The following GGA1 variants were observed in gnomAD, a reference collection of about 807,000 sequenced individuals.
GGA1 encodes the protein golgi associated, gamma adaptin ear containing, ARF binding protein 1.
In GGA1, 18 loss-of-function variants were observed where a neutral mutation model predicts 76.9. That is an observed-to-expected ratio of 0.23 (90% CI 0.16 to 0.35). The LOEUF (loss-of-function observed/expected upper bound fraction) is 0.35, where lower values mean the gene tolerates loss of function less well. Ranked by LOEUF, GGA1 falls within the 10% of genes least tolerant of loss-of-function variation. GGA1 has a pLI of 1.00. For missense variants in GGA1, 755 were observed against 859.0 expected (o/e 0.88, Z 1.51); for synonymous variants, 342 against 354.7 (o/e 0.96, Z 0.40).
At chr22:37,619,138 G>A (rs1052093494) in intron 4 of GGA1, among the ~76,000 whole-genome samples, 6 of 150,898 alleles carry the variant, frequency 4.0e-5, no homozygotes, top group African/African-American at 9.7e-5. Context: ...TGATCTCTAC[G>A]CTCCACAACC....
chr22:37,629,410 G>A, intron 11 of GGA1, 52 bp from the exon 12 acceptor site: 1 of 1,309,426 alleles, frequency 7.6e-7, no homozygotes, highest in Admixed American at 1.9e-5. Flanking sequence ...CGGCTCTCTG[G>A]CCTCTGCAGG....
chr22:37,626,081 GC>G, intron 11 of GGA1, 132 bp downstream of exon 11: 1 of 612,836 alleles, frequency 1.6e-6, no homozygotes, highest in Non-Finnish European at 2.6e-6. Context: ...TGAGCATTAG[GC>G]CCACTTCACA....
At chr22:37,626,250 A>C (rs1357365315) in intron 11 of GGA1, 1 of 276,602 alleles carries the variant, frequency 3.6e-6, no homozygotes, top group Non-Finnish European at 6.8e-6. Flanking sequence ...GCAACAGGTT[A>C]GAGCCTGGAA....
intron 2 of GGA1, among the ~76,000 whole-genome samples, chr22:37,616,334 G>A (rs913491414): frequency 6.6e-5 from 10 of 152,286 alleles, no homozygotes; most frequent in South Asian, 6.2e-4. Flanking sequence ...ACGGTGAGGC[G>A]GGAATGACCG....
chr22:37,608,894 G>T lies in GGA1; in HGVS notation c.34G>T (p.Ala12Ser). 7.6e-7 allele frequency: 1 copy of T among 1,314,752 alleles called. No individual in the cohort carries two copies. The highest frequency in any genetic ancestry group is 1.5e-5 in the African/African-American group (1 of 64,790). 81.4% of individuals were successfully genotyped at this position (1,314,752 alleles called of 1,614,324 possible). A position where few individuals can be genotyped will look rare whatever the true frequency, so the allele number is the denominator to read the frequency against. The change falls in exon 1 of 17, where the codon GCG (alanine) becomes TCG (serine). Residue 12 changes from alanine (A) to serine (S), a missense_variant. Coordinates refer to ENST00000343632, the MANE Select transcript of GGA1 (RefSeq NM_013365.5). ...EPAMEPETLE[A>S]RINRATNPLN... The stretch of plus-strand genomic sequence containing the variant: ...CGCGATGGAGCCGGAGACTCTGGAG[G>T]CGCGAATCAGTGAGTGTCCGGGAGG...
intron 1 of GGA1, among the ~76,000 whole-genome samples, chr22:37,610,952 C>G (rs927588291): frequency 6.6e-6 from 1 of 152,216 alleles, no homozygotes; most frequent in African/African-American, 2.4e-5. Flanking sequence ...GCCAGCGCTT[C>G]CTCTTCACTG....
intron 4 of GGA1, 50 bp downstream of exon 4, chr22:37,618,596 A>G: frequency 8.9e-7 from 1 of 1,127,564 alleles, no homozygotes; most frequent in Non-Finnish European, 1.4e-6. Flanking sequence ...ATGTGGGGAG[A>G]GGAAAGAGGA....
chr22:37,625,990 G>A lies in GGA1; in HGVS notation c.1093+41G>A. ...GGCCTGGAGGAGGGCGGGCTCAGCA[G>A]CAGATGGGGCATGATCCCAGGGCCC... On this transcript the variant is annotated intron_variant, in intron 11 of 16. Transcript: ENST00000343632. The surrounding 1 kb of genome is among the most constrained non-coding windows in gnomAD (Gnocchi z 4.1). 1.3e-6 allele frequency: 2 copies of A among 1,505,618 alleles called. No individual in the cohort carries two copies. The highest frequency in any genetic ancestry group is 2.3e-5 in the East Asian group (1 of 42,818). 93.3% of individuals were successfully genotyped at this position (1,505,618 alleles called of 1,614,324 possible).
intron 1 of GGA1, among the ~76,000 whole-genome samples, chr22:37,611,454 G>C (rs184062622): frequency 2.0e-5 from 3 of 152,152 alleles, no homozygotes; most frequent in African/African-American, 4.8e-5. Context: ...TGCAGTACAC[G>C]GGGTTTGTTA....
Position 37,623,336 on chromosome 22 carries a change from C to T in GGA1, c.619C>T (p.Arg207Trp), listed in dbSNP as rs771727569. The T allele has an allele frequency of 1.2e-6, 2 of 1,614,006 alleles. No homozygotes were observed. The highest frequency in any genetic ancestry group is 2.2e-5 in the East Asian group (1 of 44,888). The change falls in exon 8 of 17, where the codon CGG becomes TGG. Residue 207 changes from arginine to tryptophan, a missense_variant. Arg to Trp is a moderately radical substitution (Grantham distance 101, BLOSUM62 -3). Coordinates refer to ENST00000343632, the MANE Select transcript of GGA1 (RefSeq NM_013365.5). The surrounding 1 kb of genome is among the most constrained non-coding windows in gnomAD (Gnocchi z 4.6). ...GCCAATGTGTCCCCAGGACCAGAAGCGGATGGAGAAGATCTCGAAGAGGGT... is the reference window on the plus strand; with the variant it reads ...GCCAATGTGTCCCCAGGACCAGAAGTGGATGGAGAAGATCTCGAAGAGGGT... ...IKEMVQEDQK[R>W]MEKISKRVNA...
chr22:37,630,092 G>C lies in GGA1; in HGVS notation c.1253G>C (p.Ser418Thr). 2 of 1,611,202 alleles carry C rather than the reference G, an allele frequency of 1.2e-6. No individual in the cohort carries two copies. Among genetic ancestry groups the C allele is most frequent in the Non-Finnish European group, 8.5e-7 (1 of 1,178,476 alleles). ...GCGCAGACATCCCTGCCAGCAAGCAGCGGTCTGGACGACCTAGACCTCCTG... is the reference window on the plus strand; with the variant it reads ...GCGCAGACATCCCTGCCAGCAAGCACCGGTCTGGACGACCTAGACCTCCTG... ...PPAQTSLPAS[S>T]GLDDLDLLGK... The change falls in exon 13 of 17, where the codon AGC becomes ACC. Residue 418 changes from serine (S) to threonine (T), a missense_variant. Physicochemically the swap from Ser to Thr is moderately conservative, Grantham distance 58. Coordinates refer to ENST00000343632, the MANE Select transcript of GGA1 (RefSeq NM_013365.5).
intron 2 of GGA1, 41 bp downstream of exon 2, chr22:37,614,315 TC>T: frequency 7.2e-7 from 1 of 1,380,624 alleles, no homozygotes; most frequent in Non-Finnish European, 1.0e-6. Context: ...CCCTGCACTC[TC>T]CAGAACCCAG....
At chr22:37,630,447 G>A (rs1931599021) in intron 13 of GGA1, 1 of 507,636 alleles carries the variant, frequency 2.0e-6, no homozygotes. Flanking sequence ...GGAGTGAATA[G>A]GTGGGGTGCA....
chr22:37,618,570 A>C, intron 4 of GGA1, 24 bp downstream of exon 4: 10 of 1,405,624 alleles, frequency 7.1e-6, no homozygotes, highest in Non-Finnish European at 9.1e-6. Flanking sequence ...GCCCAAGCTC[A>C]GACCTGCCCT....
At chr22:37,619,957 C>T (rs563533442) in intron 4 of GGA1, 34 of 647,362 alleles carry the variant, frequency 5.3e-5, no homozygotes, top group Non-Finnish European at 4.2e-5. Flanking sequence ...TCCCCAGAGC[C>T]GACTATGAGC....
intron 14 of GGA1, 81 bp downstream of exon 14, chr22:37,631,180 G>A: frequency 8.5e-7 from 1 of 1,175,412 alleles, no homozygotes; most frequent in Non-Finnish European, 1.2e-6. Flanking sequence ...GAAGCTAGTG[G>A]GAAAGCAGGG....
chr22:37,611,818 C>T (rs540129165), intron 1 of GGA1, among the ~76,000 whole-genome samples: 21 of 152,308 alleles, frequency 1.4e-4, no homozygotes, highest in African/African-American at 3.1e-4. Flanking sequence ...CTCTGGCTGC[C>T]GCCATGGCCT....
intron 2 of GGA1, 56 bp from the exon 3 acceptor site, chr22:37,616,866 C>G: frequency 6.5e-7 from 1 of 1,529,618 alleles, no homozygotes; most frequent in Non-Finnish European, 8.8e-7. Context: ...GGTCGTGGCC[C>G]TAGGGTGACC....
chr22:37,621,057 A>T (rs1038372359), intron 6 of GGA1, 144 bp downstream of exon 6: 9 of 655,002 alleles, frequency 1.4e-5, no homozygotes, highest in Admixed American at 6.6e-5. Context: ...GGCGCTGTTT[A>T]CTGGGCATTT....
Sources: allele counts gnomAD v4.1 joint callset (sites outside exome capture counted in the v4.1 genomes callset), GRCh38; gene constraint gnomAD v4.1.1; non-coding constraint Gnocchi (gnomAD v3.1); transcripts MANE v1.5; gene names NCBI Gene and HGNC (gene_info 2026-07-23, HGNC 2026-07-21).